TYW1B: variants seen among roughly 807,000 people sequenced by gnomAD.
TYW1B encodes S-adenosyl-L-methionine-dependent tRNA 4-demethylwyosine synthase TYW1B.
A neutral mutation model predicts 86.9 loss-of-function variants in TYW1B; 73 were observed. The ratio of observed to expected loss-of-function variants is 0.84; its 90% CI spans 0.70 to 1.02. The LOEUF (loss-of-function observed/expected upper bound fraction) is 1.02. TYW1B is among the 50% of genes least tolerant of loss of function. The probability of loss-of-function intolerance (pLI) is 0.00; values close to 1 mark genes in which losing one functional copy is unlikely to be tolerated. For missense variants in TYW1B, 637 were observed against 827.4 expected, an observed-to-expected ratio of 0.77 and a Z score of 2.82; for synonymous variants, 248 against 292.8, an observed-to-expected ratio of 0.85 and a Z score of 1.56.
chr7:72,672,832 A>G (rs1168187310), intron 11 of TYW1B, among the ~76,000 whole-genome samples: 1 of 152,222 alleles, frequency 6.6e-6, no homozygotes, highest in Non-Finnish European at 1.5e-5. Context: ...TGTTTCAAAG[A>G]TTACAAATAC....
intron 7 of TYW1B, among the ~76,000 whole-genome samples, chr7:72,759,048 T>C (rs6965491): frequency 0.69 from 104,943 of 152,120 alleles, 37,176 homozygotes; most frequent in Non-Finnish European, 0.77. Context: ...AGCCACTAGG[T>C]GGCCAGGTGC....
intron 5 of TYW1B, among the ~76,000 whole-genome samples, chr7:72,804,785 A>C (rs1554476334): frequency 2.0e-5 from 3 of 152,076 alleles, no homozygotes; most frequent in Non-Finnish European, 4.4e-5. Flanking sequence ...GGCTGCAGTG[A>C]GCTATGCACT....
intron 8 of TYW1B, among the ~76,000 whole-genome samples, chr7:72,743,321 G>A (rs1787336714): frequency 6.6e-6 from 1 of 152,150 alleles, no homozygotes; most frequent in South Asian, 2.1e-4. Flanking sequence ...AAAGGTGGGT[G>A]GGATACTAGA....
chr7:72,766,651 G>C (rs1162782897), intron 7 of TYW1B, among the ~76,000 whole-genome samples: 3 of 148,938 alleles, frequency 2.0e-5, no homozygotes, highest in Non-Finnish European at 4.4e-5. Context: ...ACAGGGCCAG[G>C]CGCAGTGGCT....
At chr7:72,709,607 G>A (rs1360568786) in intron 10 of TYW1B, among the ~76,000 whole-genome samples, 2 of 152,136 alleles carry the variant, frequency 1.3e-5, no homozygotes, top group Admixed American at 1.3e-4. Flanking sequence ...GGCGGAGCTT[G>A]TAGTGAGCCG....
intron 13 of TYW1B, among the ~76,000 whole-genome samples, chr7:72,598,898 T>C (rs1302963350): frequency 6.6e-6 from 1 of 151,748 alleles, no homozygotes; most frequent in Non-Finnish European, 1.5e-5. Context: ...AGGTGAGGAG[T>C]GGCCTGATAG....
In TYW1B at chr7:72,773,982, T is replaced by C. The variant is rs552292515; in HGVS notation, c.964+3434A>G. Among the ~76,000 whole-genome samples the C allele has an allele frequency of 1.1e-4, 16 of 150,790 alleles. No individual in the cohort carries two copies. The South Asian group carries it at 1.9e-3, about 18-fold the overall frequency. On this transcript the variant is annotated intron_variant, in intron 7 of 13. Coordinates refer to ENST00000620995, the MANE Select transcript of TYW1B (RefSeq NM_001145440.3). ...CGGGAGGCTGAGGCAGGAGAATCAC[T>C]TGAACTCAGGAGGAGGAGGTGGTGA...
In TYW1B at chr7:72,744,631, A is replaced by C. The variant is rs1390202519; in HGVS notation, c.965-30T>G. 5 of 1,611,868 alleles carry C rather than the reference A, an allele frequency of 3.1e-6. No individual in the cohort carries two copies. In the African/African-American group the frequency reaches 6.7e-5, roughly 22 times the overall value. ...GACAAGTAAACAAATCACAATTTGA[A>C]TAAAATCGTCAAAGCACAGAAACAA... On this transcript the variant is annotated intron_variant, in intron 7 of 13. Transcript: ENST00000620995.
chr7:72,761,738 G>A (rs1197775500), intron 7 of TYW1B, among the ~76,000 whole-genome samples: 5 of 151,640 alleles, frequency 3.3e-5, no homozygotes, highest in African/African-American at 1.2e-4. Context: ...TGTGAAAAAA[G>A]TTATGGATAT....
chr7:72,754,188 G>A (rs1787549264), intron 7 of TYW1B, among the ~76,000 whole-genome samples: 1 of 152,156 alleles, frequency 6.6e-6, no homozygotes, highest in South Asian at 2.1e-4. Context: ...TGCCCAGGCT[G>A]GAGTGTGGTG....
At chr7:72,769,088 G>T in intron 7 of TYW1B, 1 of 378,450 alleles carries the variant, frequency 2.6e-6, no homozygotes, top group South Asian at 3.8e-5. Flanking sequence ...CTAGTCTGTG[G>T]GATGGGCATG....
intron 13 of TYW1B, among the ~76,000 whole-genome samples, chr7:72,590,765 GT>G (rs1245083773): frequency 6.6e-6 from 1 of 152,190 alleles, no homozygotes; most frequent in African/African-American, 2.4e-5. Context: ...CAAATGTCCA[GT>G]TTTCAACAAG....
chr7:72,679,377 C>T (rs1813815212), intron 11 of TYW1B, among the ~76,000 whole-genome samples: 1 of 152,126 alleles, frequency 6.6e-6, no homozygotes, highest in Admixed American at 6.6e-5. Flanking sequence ...TCCAAATGCC[C>T]ATCTGTAGGA....
At chr7:72,657,348 G>A (rs1813228816) in intron 11 of TYW1B, among the ~76,000 whole-genome samples, 1 of 152,024 alleles carries the variant, frequency 6.6e-6, no homozygotes, top group Admixed American at 6.6e-5. Flanking sequence ...TGACATGCAG[G>A]ACACCATAAA....
chr7:72,728,402 GT>G (rs1470947988), intron 9 of TYW1B, among the ~76,000 whole-genome samples: 8 of 152,152 alleles, frequency 5.3e-5, no homozygotes, highest in Non-Finnish European at 7.3e-5. Flanking sequence ...TGCCTCCCAG[GT>G]TCAAGCAATT....
chr7:72,632,289 A>ATATATATATATATATATTATATATAT (rs1812514358), intron 11 of TYW1B, among the ~76,000 whole-genome samples: 2 of 111,898 alleles, frequency 1.8e-5, no homozygotes, highest in Admixed American at 1.0e-4. Context: ...ATACGTGTAT[A>ATATATATATATATATATTATATATAT]TATATATATA....
At chr7:72,704,260 C>A (rs1814560643) in intron 10 of TYW1B, among the ~76,000 whole-genome samples, 1 of 151,646 alleles carries the variant, frequency 6.6e-6, no homozygotes, top group Non-Finnish European at 1.5e-5. Flanking sequence ...ATGGTGAAAC[C>A]CTGTCTCTAC....
chr7:72,804,368 G>A (rs1788458292), intron 5 of TYW1B, among the ~76,000 whole-genome samples: 1 of 151,640 alleles, frequency 6.6e-6, no homozygotes, highest in Non-Finnish European at 1.5e-5. Flanking sequence ...CCACAGTATA[G>A]CAGAGAGATG....
At chr7:72,655,779 C>T (rs1236495511) in intron 11 of TYW1B, among the ~76,000 whole-genome samples, 3 of 152,190 alleles carry the variant, frequency 2.0e-5, no homozygotes, top group Non-Finnish European at 4.4e-5. Context: ...AACGTGGTTT[C>T]TCTGGGCATG....
Sources: gnomAD v4.1 joint callset for allele counts (sites outside exome capture counted in the v4.1 genomes callset) on GRCh38, gnomAD v4.1.1 for gene constraint, MANE v1.5 for transcripts, NCBI Gene and HGNC (gene_info 2026-07-23, HGNC 2026-07-21) for gene names.